The following TMEM45A variants were observed in gnomAD, a reference collection of about 807,000 sequenced individuals.
TMEM45A encodes the protein DNA polymerase-transactivated protein 4.
Under a neutral mutation model 32.0 loss-of-function variants are expected in TMEM45A, and 25 were observed. That is an observed-to-expected ratio of 0.78 (90% confidence interval 0.57 to 1.09). The LOEUF (loss-of-function observed/expected upper bound fraction) is 1.09. Ranked by LOEUF, TMEM45A falls within the 50% of genes least tolerant of loss-of-function variation. The pLI is 0.00. For synonymous variants in TMEM45A, 122 were observed against 114.8 expected (o/e 1.06, Z -0.40); for missense variants, 302 against 325.0 (o/e 0.93, Z 0.54).
chr3:100,499,412 T>G (rs1216225845), intron 1 of TMEM45A, among the ~76,000 whole-genome samples: 2 of 152,266 alleles, frequency 1.3e-5, no homozygotes, highest in Non-Finnish European at 2.9e-5. Flanking sequence ...CTTTTGCATG[T>G]GGATAGTTAA....
chr3:100,545,853 A>G (rs1223841027), intron 1 of TMEM45A, among the ~76,000 whole-genome samples: 1 of 152,194 alleles, frequency 6.6e-6, no homozygotes, highest in African/African-American at 2.4e-5. Flanking sequence ...CAGTGTTCCT[A>G]CCTGCCTATG....
intron 1 of TMEM45A, among the ~76,000 whole-genome samples, chr3:100,509,947 A>G (rs6762170): frequency 0.47 from 71,972 of 152,060 alleles, 19,038 homozygotes; most frequent in African/African-American, 0.72. Flanking sequence ...ATTATATCCC[A>G]CGCATGGCTC....
At chr3:100,545,589 C>T (rs1705966121) in intron 1 of TMEM45A, among the ~76,000 whole-genome samples, 1 of 152,176 alleles carries the variant, frequency 6.6e-6, no homozygotes, top group Non-Finnish European at 1.5e-5. Flanking sequence ...ACTCATTGCT[C>T]AAGGTCTAGC....
At chr3:100,545,284 A>G (rs1705961426) in intron 1 of TMEM45A, among the ~76,000 whole-genome samples, 2 of 152,224 alleles carry the variant, frequency 1.3e-5, no homozygotes, top group African/African-American at 4.8e-5. Flanking sequence ...CTAGGTCTTT[A>G]ATACACTTAG....
chr3:100,505,194 C>A (rs987578235), intron 1 of TMEM45A, among the ~76,000 whole-genome samples: 3 of 152,120 alleles, frequency 2.0e-5, no homozygotes, highest in Non-Finnish European at 2.9e-5. Flanking sequence ...GCCCAGAGAG[C>A]CTCTTGTGTG....
chr3:100,514,223 C>G (rs1279992042), intron 1 of TMEM45A, among the ~76,000 whole-genome samples: 3 of 152,172 alleles, frequency 2.0e-5, no homozygotes, highest in Admixed American at 2.0e-4. Context: ...TGACTTCAAA[C>G]TATACTACAA....
intron 1 of TMEM45A, chr3:100,519,387 ATGTGTGTG>A (rs5851210): frequency 7.1e-6 from 4 of 563,564 alleles, no homozygotes; most frequent in South Asian, 4.3e-5. Flanking sequence ...GTGTGTGTGC[ATGTGTGTG>A]TGTGTGTGTG....
intron 1 of TMEM45A, among the ~76,000 whole-genome samples, chr3:100,538,212 C>T (rs1375251125): frequency 1.3e-5 from 2 of 152,122 alleles, no homozygotes; most frequent in Non-Finnish European, 2.9e-5. Flanking sequence ...ATGTATATCC[C>T]TATCATATCC....
chr3:100,566,341 G>C (rs1706437822), intron 4 of TMEM45A, among the ~76,000 whole-genome samples: 1 of 152,056 alleles, frequency 6.6e-6, no homozygotes, highest in Admixed American at 6.6e-5. Flanking sequence ...CAAAACGGTT[G>C]CCACAGTAGC....
chr3:100,558,351 CAGTG>C, intron 3 of TMEM45A, 50 bp from the exon 4 acceptor site: 2 of 1,599,840 alleles, frequency 1.3e-6, no homozygotes, highest in Non-Finnish European at 1.7e-6. Context: ...GAGAGAGAAA[CAGTG>C]GGTGGTCCTT....
chr3:100,569,504 A>G (rs1706514932), intron 5 of TMEM45A, among the ~76,000 whole-genome samples: 2 of 152,268 alleles, frequency 1.3e-5, no homozygotes, highest in African/African-American at 4.8e-5. Context: ...AAGGAGCAGT[A>G]GAACAGAGTT....
chr3:100,496,868 C>A (rs1290143448), intron 1 of TMEM45A, among the ~76,000 whole-genome samples: 1 of 152,130 alleles, frequency 6.6e-6, no homozygotes, highest in African/African-American at 2.4e-5. Context: ...TGAAATGTCC[C>A]AAGACTTGTG....
intron 1 of TMEM45A, among the ~76,000 whole-genome samples, chr3:100,515,785 T>TA (rs1233960510): frequency 6.6e-6 from 1 of 152,082 alleles, no homozygotes; most frequent in Non-Finnish European, 1.5e-5. Context: ...ACATGAGAGC[T>TA]AAAAAAGTTG....
At chr3:100,556,691 A>T in intron 2 of TMEM45A, 69 bp from the exon 3 acceptor site, 1 of 1,364,310 alleles carries the variant, frequency 7.3e-7, no homozygotes, top group Non-Finnish European at 1.0e-6. Flanking sequence ...GCAATGGACT[A>T]GTCCTCCTGC....
chr3:100,549,246 C>CA (rs138924580), intron 1 of TMEM45A, among the ~76,000 whole-genome samples: 62,472 of 146,116 alleles, frequency 0.43, 13,366 homozygotes, highest in Middle Eastern at 0.49. Flanking sequence ...GATCCTGTCT[C>CA]AAAAAAAAAC....
intron 1 of TMEM45A, among the ~76,000 whole-genome samples, chr3:100,550,546 T>C (rs1706076176): frequency 6.6e-6 from 1 of 152,262 alleles, no homozygotes; most frequent in African/African-American, 2.4e-5. Flanking sequence ...TTAAGTTTTT[T>C]CTCATAATGG....
At chr3:100,515,360 C>A (rs1259206128) in intron 1 of TMEM45A, among the ~76,000 whole-genome samples, 1 of 151,292 alleles carries the variant, frequency 6.6e-6, no homozygotes, top group Non-Finnish European at 1.5e-5. Flanking sequence ...TCATCATTCT[C>A]AGTAAACTAT....
At chr3:100,564,293 G>T (rs1706384867) in intron 4 of TMEM45A, among the ~76,000 whole-genome samples, 1 of 152,148 alleles carries the variant, frequency 6.6e-6, no homozygotes, top group Non-Finnish European at 1.5e-5. Flanking sequence ...ACTTGGTCAG[G>T]AAGGTAAACT....
At chr3:100,572,520 G>A (rs1455339517) in intron 5 of TMEM45A, 1 of 150,816 alleles carries the variant, frequency 6.6e-6, no homozygotes. Context: ...AGATGAGTAG[G>A]TTGTGAAAAT....
Sources: allele counts gnomAD v4.1 joint callset (sites outside exome capture counted in the v4.1 genomes callset), GRCh38; gene constraint gnomAD v4.1.1; transcripts MANE v1.5; gene names NCBI Gene and HGNC (gene_info 2026-07-23, HGNC 2026-07-21).